The following PAGE1 variants were observed in gnomAD, a reference collection of about 807,000 sequenced individuals.
PAGE1 encodes PAGE family member 1.
A neutral mutation model predicts 11.5 loss-of-function variants in PAGE1; 6 were observed. That is an observed-to-expected ratio of 0.52 (90% CI 0.29 to 1.03). The LOEUF is 1.03. PAGE1 is among the 50% of genes least tolerant of loss of function. The pLI is 0.09. For missense variants in PAGE1, 120 were observed against 110.2 expected (o/e 1.09, Z -0.40); for synonymous variants, 42 against 40.2 (o/e 1.05, Z -0.17).
chrX:49,687,902 T>A (rs1209230947), intron 5 of PAGE1, among the ~76,000 whole-genome samples: 4 of 112,867 alleles, frequency 3.5e-5, no homozygotes, highest in African/African-American at 1.3e-4. Flanking sequence ...GAACTTCAAA[T>A]CTTACCAACT....
intron 3 of PAGE1, among the ~76,000 whole-genome samples, chrX:49,692,095 C>T (rs1277719835): frequency 1.8e-5 from 2 of 109,805 alleles, no homozygotes; most frequent in African/African-American, 6.6e-5. Flanking sequence ...TAGAGAGAGC[C>T]GAGATCTTGC....
In PAGE1 at chrX:49,687,571, A is replaced by G; in HGVS notation, c.419-8T>C. 1.7e-6 allele frequency: 2 copies of G among 1,201,056 alleles called. No individual in the cohort carries two copies. The highest frequency in any genetic ancestry group is 1.7e-5 in the African/African-American group (1 of 57,617). ...GCTGTGATTGCCCTTCATCTGTAAC[A>G]GAAACATAACTGTTAGGAAGATGAT... On this transcript the variant is annotated splice_polypyrimidine_tract_variant and splice_region_variant and intron_variant, in intron 5 of 5. Transcript: ENST00000376150.
chrX:49,694,716 A>T lies in PAGE1; in HGVS notation c.55T>A (p.Ser19Thr), dbSNP rs199961688. Residue 19 changes from serine (S) to threonine (T), a missense_variant, in exon 2 of 6, where the codon TCT becomes ACT. Coordinates refer to ENST00000376150, the MANE Select transcript of PAGE1 (RefSeq NM_003785.4). ...AGCATAGGCCCAATTACCTCAGAAGATTCTACATAGATCATTGGTCTACGC... is the reference window on the plus strand; with the variant it reads ...AGCATAGGCCCAATTACCTCAGAAGTTTCTACATAGATCATTGGTCTACGC... ...YRRRPMIYVE[S>T]SEESSDEQPD... 12 of 1,189,826 alleles carry T rather than the reference A, an allele frequency of 1.0e-5. No individual in the cohort carries two copies. In the Admixed American group the frequency reaches 1.3e-4, roughly 13 times the overall value.
chrX:49,689,597 T>TACATATAC (rs2066899807), intron 4 of PAGE1, 54 bp from the exon 5 acceptor site: 1 of 62,858 alleles, frequency 1.6e-5, no homozygotes, highest in African/African-American at 9.4e-5. Context: ...TATATATATA[T>TACATATAC]ATATATATAT....
At chrX:49,688,567 A>G (rs1557141292) in intron 5 of PAGE1, among the ~76,000 whole-genome samples, 1 of 112,121 alleles carries the variant, frequency 8.9e-6, no homozygotes, top group Non-Finnish European at 1.9e-5. Flanking sequence ...ATGATTTATG[A>G]TAAATAAATC....
chrX:49,695,150 G>A (rs1485226271), intron 1 of PAGE1, among the ~76,000 whole-genome samples: 2 of 112,748 alleles, frequency 1.8e-5, no homozygotes, highest in Non-Finnish European at 3.8e-5. Context: ...CTACAGGCGC[G>A]CACCACTGCG....
chrX:49,694,759 T>C lies in PAGE1; in HGVS notation c.12A>G (p.Leu4=), dbSNP rs1557142655. The C allele has an allele frequency of 8.4e-7, 1 of 1,185,463 alleles. No individual in the cohort carries two copies. The highest frequency in any genetic ancestry group is 1.1e-6 in the Non-Finnish European group (1 of 873,733). Reference sequence around the variant, plus strand: ...GTCTACGCCGATAGATTAATCTTCTTAGAAAACCCATATTTCACACTGAAA... The same window carrying C: ...GTCTACGCCGATAGATTAATCTTCTCAGAAAACCCATATTTCACACTGAAA... MGF[L]RRLIYRRRPM... The change falls in exon 2 of 6, where the codon CTA becomes CTG. Residue 4 remains leucine, a synonymous_variant. Coordinates refer to ENST00000376150, the MANE Select transcript of PAGE1 (RefSeq NM_003785.4).
chrX:49,688,652 A>G (rs1163956920), intron 5 of PAGE1, among the ~76,000 whole-genome samples: 2 of 111,739 alleles, frequency 1.8e-5, no homozygotes, highest in Non-Finnish European at 3.8e-5. Flanking sequence ...CAGAATGGAA[A>G]AGGATTTTAA....
chrX:49,689,619 C>CATATATATGTGTGTGT (rs2066900793), intron 4 of PAGE1, 76 bp from the exon 5 acceptor site: 8 of 65,730 alleles, frequency 1.2e-4, no homozygotes, highest in African/African-American at 1.2e-3. Flanking sequence ...TATACATATA[C>CATATATATGTGTGTGT]ATATATATAT....
rs782211346 is a variant in PAGE1, at chrX:49,689,546, TAAAAAAAAAA to T, written c.293-13_293-4del. On this transcript the variant is annotated splice_region_variant and splice_polypyrimidine_tract_variant and intron_variant, in intron 4 of 5. Coordinates refer to ENST00000376150, the MANE Select transcript of PAGE1 (RefSeq NM_003785.4). ...GCTATCCGCTTCAGGCTCTGGCCCTTAAAAAAAAAAAAAAAAAAAAAAAAAAAAAATATAT... is the reference window on the plus strand; with the variant it reads ...GCTATCCGCTTCAGGCTCTGGCCCTTAAAAAAAAAAAAAAAAAAAATATAT... 40 of 281,616 alleles carry T rather than the reference TAAAAAAAAAA, an allele frequency of 1.4e-4. No individual in the cohort carries two copies. In the African/African-American group the frequency reaches 3.7e-3, roughly 26 times the overall value. 23.2% of individuals were successfully genotyped at this position (281,616 alleles called of 1,213,427 possible).
In PAGE1 at chrX:49,689,546, TAAAAAAAAAAAAAAAAAAA is replaced by T. The variant is rs782211346; in HGVS notation, c.293-22_293-4del. On this transcript the variant is annotated splice_region_variant and splice_polypyrimidine_tract_variant and intron_variant, in intron 4 of 5. Transcript: ENST00000376150. ...GCTATCCGCTTCAGGCTCTGGCCCT[TAAAAAAAAAAAAAAAAAAA>T]AAAAAAAAAAATATATATATATATA... The T allele has an allele frequency of 7.8e-5, 22 of 281,657 alleles. No homozygotes were observed. In the East Asian group the frequency reaches 1.3e-3, roughly 17 times the overall value. The allele number at this position is 281,657 out of a possible 1,213,427, so 23.2% of individuals were successfully genotyped here. A position where few individuals can be genotyped will look rare whatever the true frequency, so the allele number is the denominator to read the frequency against.
chrX:49,693,579 C>T (rs2066928691), intron 3 of PAGE1, among the ~76,000 whole-genome samples: 1 of 111,413 alleles, frequency 9.0e-6, no homozygotes, highest in Non-Finnish European at 1.9e-5. Context: ...CTGAATTCTC[C>T]AGCTTTCAAC....
intron 1 of PAGE1, 55 bp from the exon 2 acceptor site, chrX:49,694,833 G>C: frequency 1.6e-6 from 1 of 627,436 alleles, no homozygotes; most frequent in Non-Finnish European, 2.6e-6. Flanking sequence ...AGCTATATTC[G>C]ATCACTTCCA....
chrX:49,689,939 ATG>A (rs1222246041), intron 4 of PAGE1, among the ~76,000 whole-genome samples: 3 of 46,678 alleles, frequency 6.4e-5, no homozygotes, highest in African/African-American at 1.0e-4. Context: ...GTGTATATAT[ATG>A]TGTGTATATA....
chrX:49,692,619 A>T (rs1399371672), intron 3 of PAGE1, among the ~76,000 whole-genome samples: 1 of 32,404 alleles, frequency 3.1e-5, no homozygotes, highest in African/African-American at 1.3e-4. Flanking sequence ...AACTTTAGGA[A>T]GACAGAAGTT....
intron 5 of PAGE1, among the ~76,000 whole-genome samples, chrX:49,687,916 G>A (rs1234968336): frequency 1.8e-5 from 2 of 112,719 alleles, no homozygotes; most frequent in African/African-American, 6.4e-5. Context: ...ACCAACTGAT[G>A]CCTCAAAATC....
chrX:49,687,592 A>G (rs1602793903), intron 5 of PAGE1, 29 bp from the exon 6 acceptor site: 1 of 1,181,656 alleles, frequency 8.5e-7, no homozygotes, highest in Non-Finnish European at 1.1e-6. Context: ...TGTTAGGAAG[A>G]TGATTTAGCA....
intron 5 of PAGE1, among the ~76,000 whole-genome samples, chrX:49,688,411 C>T (rs1602794480): frequency 9.1e-6 from 1 of 110,216 alleles, no homozygotes; most frequent in African/African-American, 3.3e-5. Context: ...TCTGTCAGAG[C>T]GACAATTCAA....
chrX:49,690,869 CA>C (rs781913120), intron 4 of PAGE1, among the ~76,000 whole-genome samples: 4,437 of 61,369 alleles, frequency 0.072, 187 homozygotes, highest in African/African-American at 0.19. Flanking sequence ...TACTAAAATA[CA>C]AAAAAAAAAA....
Sources: allele counts gnomAD v4.1 joint callset (sites outside exome capture counted in the v4.1 genomes callset), GRCh38; gene constraint gnomAD v4.1.1; transcripts MANE v1.5; gene names NCBI Gene and HGNC (gene_info 2026-07-23, HGNC 2026-07-21).